CDH8: variants seen among roughly 807,000 people sequenced by gnomAD.
CDH8 encodes the protein cadherin 8.
In CDH8, 17 loss-of-function variants were observed where a neutral mutation model predicts 68.1. That is an observed-to-expected ratio of 0.25 (90% CI 0.17 to 0.37). CDH8 has a LOEUF of 0.37. CDH8 is among the 10% of genes least tolerant of loss of function. The pLI is 1.00. For missense variants in CDH8, 763 were observed against 999.3 expected (o/e 0.76, Z 3.19); for synonymous variants, 372 against 365.1 (o/e 1.02, Z -0.21).
chr16:62,024,689 C>T (rs965403532), intron 1 of CDH8, among the ~76,000 whole-genome samples: 7 of 152,056 alleles, frequency 4.6e-5, no homozygotes, highest in African/African-American at 1.4e-4. Context: ...TGTGTAGTCA[C>T]GAATAGTATC....
In CDH8 at chr16:61,819,373, C is replaced by A. The variant is rs550232032; in HGVS notation, c.1023+1553G>T. Among the ~76,000 whole-genome samples the A allele has an allele frequency of 2.6e-5, 4 of 152,044 alleles. 1 individual carries two copies. In the South Asian group the frequency reaches 8.3e-4, roughly 32 times the overall value. Reference sequence around the variant, plus strand: ...GGCTAATTGTTTCAGTTTATAACAGCACTTTATGGCAAAAAAAATGGGAAT... The same window carrying A: ...GGCTAATTGTTTCAGTTTATAACAGAACTTTATGGCAAAAAAAATGGGAAT... On this transcript the variant is annotated intron_variant, in intron 6 of 11. Coordinates refer to ENST00000577390, the MANE Select transcript of CDH8 (RefSeq NM_001796.5).
intron 10 of CDH8, among the ~76,000 whole-genome samples, chr16:61,690,904 T>A (rs568250231): frequency 1.6e-4 from 25 of 152,138 alleles, no homozygotes; most frequent in Middle Eastern, 3.4e-3. Flanking sequence ...TTCTACTCAT[T>A]TTTCAACCTC....
At chr16:61,976,166 T>C (rs967545376) in intron 2 of CDH8, among the ~76,000 whole-genome samples, 2 of 152,174 alleles carry the variant, frequency 1.3e-5, no homozygotes, top group Non-Finnish European at 2.9e-5. Flanking sequence ...TAGCAAAATG[T>C]ACTGCATACA....
chr16:61,876,383 C>G (rs1250626722), intron 3 of CDH8, among the ~76,000 whole-genome samples: 1 of 152,100 alleles, frequency 6.6e-6, no homozygotes, highest in African/African-American at 2.4e-5. Context: ...GTTGCTGTTT[C>G]CTAGTCCTCC....
In CDH8 at chr16:61,653,886, G is replaced by A; in HGVS notation, c.2122C>T (p.Pro708Ser). 6.2e-7 allele frequency: 1 copy of A among 1,614,148 alleles called. No individual in the cohort carries two copies. The highest frequency in any genetic ancestry group is 1.3e-5 in the African/African-American group (1 of 75,038). ...KDIKPDLQFM[P>S]RQGLAPVPNG... ...GGAACTGGAGCAAGCCCTTGCCTTGGCATAAACTGCAAATCTGGTTTAATA... is the reference window on the plus strand; with the variant it reads ...GGAACTGGAGCAAGCCCTTGCCTTGACATAAACTGCAAATCTGGTTTAATA... The change falls in exon 12 of 12, where the codon CCA becomes TCA. Residue 708 changes from proline to serine, a missense_variant. Transcript: ENST00000577390.
chr16:61,660,622 A>G (rs561429420), intron 10 of CDH8, among the ~76,000 whole-genome samples: 21 of 152,172 alleles, frequency 1.4e-4, no homozygotes, highest in African/African-American at 5.1e-4. Context: ...AAACACAAAG[A>G]TATTCATAAA....
intron 1 of CDH8, among the ~76,000 whole-genome samples, chr16:62,022,106 A>C (rs548177683): frequency 1.3e-5 from 2 of 152,076 alleles, no homozygotes; most frequent in East Asian, 1.9e-4. Flanking sequence ...TTTTATGCTA[A>C]ACTCCATGAA....
chr16:61,965,530 G>A (rs1965232882), intron 2 of CDH8, among the ~76,000 whole-genome samples: 2 of 152,162 alleles, frequency 1.3e-5, no homozygotes, highest in African/African-American at 4.8e-5. Context: ...CCAACTTTCT[G>A]TAAGGTTTCT....
At chr16:61,684,288 T>C (rs1964064087) in intron 10 of CDH8, among the ~76,000 whole-genome samples, 1 of 152,012 alleles carries the variant, frequency 6.6e-6, no homozygotes, top group African/African-American at 2.4e-5. Flanking sequence ...AGTATTGTAA[T>C]ACGATGCTAA....
intron 8 of CDH8, among the ~76,000 whole-genome samples, chr16:61,746,008 C>T (rs1960012165): frequency 6.6e-6 from 1 of 152,038 alleles, no homozygotes; most frequent in Non-Finnish European, 1.5e-5. Flanking sequence ...GACCGGATTT[C>T]AGAATTATGG....
intron 2 of CDH8, among the ~76,000 whole-genome samples, chr16:61,903,603 G>A (rs1964017021): frequency 6.6e-6 from 1 of 152,236 alleles, no homozygotes; most frequent in South Asian, 2.1e-4. Flanking sequence ...GAGCCACCTC[G>A]CCCGGCGAAG....
At chr16:61,954,700 C>CAAA (rs35839753) in intron 2 of CDH8, among the ~76,000 whole-genome samples, 4 of 68,312 alleles carry the variant, frequency 5.9e-5, no homozygotes, top group Non-Finnish European at 6.0e-5. Flanking sequence ...GACTCCATCT[C>CAAA]AAAAAAAAAA....
chr16:61,858,551 C>G (rs1054336289), intron 3 of CDH8, among the ~76,000 whole-genome samples: 1 of 152,124 alleles, frequency 6.6e-6, no homozygotes, highest in Non-Finnish European at 1.5e-5. Context: ...AATTATCTGA[C>G]GATTTAATGA....
chr16:61,673,016 A>T (rs1017843616), intron 10 of CDH8, among the ~76,000 whole-genome samples: 2 of 152,120 alleles, frequency 1.3e-5, no homozygotes, highest in African/African-American at 4.8e-5. Context: ...AACTAGGAAA[A>T]TGCTATAGTT....
intron 8 of CDH8, among the ~76,000 whole-genome samples, chr16:61,749,434 G>T (rs1960104051): frequency 6.6e-6 from 1 of 152,018 alleles, no homozygotes; most frequent in Non-Finnish European, 1.5e-5. Flanking sequence ...TAGAAAATTG[G>T]ACTTTTATCT....
intron 8 of CDH8, among the ~76,000 whole-genome samples, chr16:61,737,100 G>T (rs1471637351): frequency 6.6e-6 from 1 of 152,062 alleles, no homozygotes; most frequent in Non-Finnish European, 1.5e-5. Flanking sequence ...CTCATGAATT[G>T]CCCATTAATT....
intron 4 of CDH8, among the ~76,000 whole-genome samples, chr16:61,846,852 G>T (rs1270028563): frequency 1.3e-5 from 2 of 152,064 alleles, no homozygotes; most frequent in African/African-American, 2.4e-5. Context: ...AGAAGTCACT[G>T]CTTCTAGAAG....
intron 2 of CDH8, among the ~76,000 whole-genome samples, chr16:61,999,566 C>G (rs777807655): frequency 6.6e-6 from 1 of 152,084 alleles, no homozygotes; most frequent in Non-Finnish European, 1.5e-5. Flanking sequence ...GTATCAGTTT[C>G]TTACAATGCA....
At chr16:61,960,065 A>G (rs993056814) in intron 2 of CDH8, among the ~76,000 whole-genome samples, 6 of 102,890 alleles carry the variant, frequency 5.8e-5, no homozygotes. Context: ...GTGTGTGTGT[A>G]TACACATACA....
Sources: allele counts gnomAD v4.1 joint callset (sites outside exome capture counted in the v4.1 genomes callset), GRCh38; gene constraint gnomAD v4.1.1; transcripts MANE v1.5; gene names NCBI Gene and HGNC (gene_info 2026-07-23, HGNC 2026-07-21).